The following ABTB2 variants were observed in gnomAD, a reference collection of about 807,000 sequenced individuals.
ABTB2 encodes ankyrin repeat and BTB domain containing 2.
In ABTB2, 56 loss-of-function variants were observed where a neutral mutation model predicts 104.1. The observed-to-expected ratio is 0.54, with a 90% CI of 0.43 to 0.67. The LOEUF (loss-of-function observed/expected upper bound fraction) is 0.67, where lower values mean the gene tolerates loss of function less well. Ranked by LOEUF, ABTB2 falls within the 30% of genes least tolerant of loss-of-function variation. The pLI, the probability that ABTB2 is intolerant of heterozygous loss-of-function variation, is 0.00. For missense variants in ABTB2, 1,279 were observed against 1,407.7 expected, an observed-to-expected ratio of 0.91 and a Z score of 1.46; for synonymous variants, 606 against 608.2, an observed-to-expected ratio of 1.00 and a Z score of 0.05.
chr11:34,325,262 C>T (rs1855055592), intron 1 of ABTB2, among the ~76,000 whole-genome samples: 1 of 152,156 alleles, frequency 6.6e-6, no homozygotes, highest in Non-Finnish European at 1.5e-5. Context: ...CCATCAGTGG[C>T]CACTATCAGA....
At chr11:34,289,502 A>G (rs954288580) in intron 1 of ABTB2, among the ~76,000 whole-genome samples, 14 of 152,222 alleles carry the variant, frequency 9.2e-5, no homozygotes, top group Admixed American at 6.5e-4. Flanking sequence ...AGGCTTAGAG[A>G]GGCCAAGCAA....
chr11:34,222,694 T>G (rs1853639483), intron 1 of ABTB2, among the ~76,000 whole-genome samples: 1 of 152,236 alleles, frequency 6.6e-6, no homozygotes, highest in Admixed American at 6.5e-5. Flanking sequence ...CTCTTAAGGC[T>G]GGATGTGGGG....
intron 3 of ABTB2, among the ~76,000 whole-genome samples, chr11:34,174,566 C>T (rs1277828649): frequency 6.6e-6 from 1 of 152,250 alleles, no homozygotes; most frequent in African/African-American, 2.4e-5. Context: ...CGCGCCCGCC[C>T]CTGCCCTCGG....
Position 34,191,838 on chromosome 11 carries a change from G to A in ABTB2, c.1244+5487C>T, listed in dbSNP as rs59670352. The stretch of plus-strand genomic sequence containing the variant: ...TGCTCCATCCTGCACAACAGTGCCC[G>A]TGTTCCCTTGCTCTGCTCCTCCCCA... On this transcript the variant is annotated intron_variant, in intron 3 of 16. Coordinates refer to ENST00000435224, the MANE Select transcript of ABTB2 (RefSeq NM_145804.3). Among the ~76,000 whole-genome samples the A allele has an allele frequency of 2.7e-4, 41 of 152,306 alleles. No homozygotes were observed. In the East Asian group the frequency reaches 5.4e-3, roughly 20 times the overall value.
At position 34,337,820 on chromosome 11, in the gene ABTB2, C is replaced by T. The variant is rs187611119; in HGVS notation, c.883+18881G>A. Among the ~76,000 whole-genome samples the T allele has an allele frequency of 1.8e-3, 269 of 152,238 alleles. 3 individuals carry two copies. The highest frequency in any genetic ancestry group is 0.01 in the Middle Eastern group (3 of 294). On this transcript the variant is annotated intron_variant, in intron 1 of 16. Transcript: ENST00000435224. ...ATCACATTTGGTTGGAAAAATTAAA[C>T]GAGATAGCATCCAATAAACATTGGT... is the stretch of plus-strand genomic sequence containing the variant.
intron 11 of ABTB2, 119 bp downstream of exon 11, chr11:34,160,784 T>C: frequency 9.2e-7 from 1 of 1,091,650 alleles, no homozygotes. Context: ...TGTGAGTGTG[T>C]GTGCGTTGGG....
chr11:34,265,661 G>GAAAAAA (rs1233763258), intron 1 of ABTB2, among the ~76,000 whole-genome samples: 1 of 25,654 alleles, frequency 3.9e-5, no homozygotes, highest in African/African-American at 1.4e-4. Context: ...TCTGTCTCAA[G>GAAAAAA]AAAAAAAAAA....
chr11:34,240,943 T>C (rs1234174085), intron 1 of ABTB2, among the ~76,000 whole-genome samples: 1 of 152,190 alleles, frequency 6.6e-6, no homozygotes, highest in Admixed American at 6.5e-5. Context: ...TTTTTCTCTT[T>C]TGCCAAATTA....
chr11:34,215,182 T>A (rs1159475266), intron 1 of ABTB2, among the ~76,000 whole-genome samples: 1 of 152,190 alleles, frequency 6.6e-6, no homozygotes, highest in African/African-American at 2.4e-5. Flanking sequence ...CTGCCATTGC[T>A]GGGCAGGGGG....
Position 34,356,920 on chromosome 11 carries a change from G to C in ABTB2, c.664C>G (p.Arg222Gly). The C allele has an allele frequency of 6.2e-7, 1 of 1,602,406 alleles. No homozygotes were observed. The highest frequency in any genetic ancestry group is 8.5e-7 in the Non-Finnish European group (1 of 1,174,642). ...RWMVDTRISVRIHEYAAISLT... is the reference protein window; with the variant it reads ...RWMVDTRISVGIHEYAAISLT... ...GAGATGGCTGCGTACTCGTGGATGCGCACGGAGATTCGGGTGTCCACCATC... is the reference window on the plus strand; with the variant it reads ...GAGATGGCTGCGTACTCGTGGATGCCCACGGAGATTCGGGTGTCCACCATC... Residue 222 changes from arginine (R) to glycine (G), a missense_variant, in exon 1 of 17, where the codon CGC (arginine) becomes GGC (glycine). Physicochemically the swap from Arg to Gly is moderately radical, Grantham distance 125. Transcript: ENST00000435224. The surrounding 1 kb of genome is among the most constrained non-coding windows in gnomAD (Gnocchi z 4.6).
At position 34,167,251 on chromosome 11, in the gene ABTB2, G is replaced by A; in HGVS notation, c.1755+8C>T. The A allele has an allele frequency of 6.2e-7, 1 of 1,603,796 alleles. No individual in the cohort carries two copies. Among genetic ancestry groups the A allele is most frequent in the Non-Finnish European group, 8.5e-7 (1 of 1,174,926 alleles). On this transcript the variant is annotated splice_region_variant and intron_variant, in intron 7 of 16. Transcript: ENST00000435224. The stretch of plus-strand genomic sequence containing the variant: ...GGGGGGCATGGTGTTCACCTGGCAG[G>A]AGCTCACCTGGACCACAGAGATGTG...
Position 34,357,634 on chromosome 11 carries a change from A to G in ABTB2, c.-51T>C, listed in dbSNP as rs949584826. On this transcript the variant is annotated 5_prime_UTR_variant, in exon 1 of 17. An upstream start codon of the reference 5' UTR is lost. Transcript: ENST00000435224. ...CCGAGCGAGGGGCACTCACAACTCCATGCCCTCTTTCCCAAGTGGGCAGAA... is the reference window on the plus strand; with the variant it reads ...CCGAGCGAGGGGCACTCACAACTCCGTGCCCTCTTTCCCAAGTGGGCAGAA... 1.4e-6 allele frequency: 2 copies of G among 1,449,556 alleles called. No homozygotes were observed. The highest frequency in any genetic ancestry group is 4.8e-5 in the Admixed American group (2 of 42,088). 89.8% of individuals were successfully genotyped at this position (1,449,556 alleles called of 1,614,324 possible).
At position 34,159,369 on chromosome 11, in the gene ABTB2, G is replaced by T. The variant is rs1393827040; in HGVS notation, c.2624C>A (p.Thr875Asn). Residue 875 changes from threonine to asparagine, a missense_variant, in exon 14 of 17, where the codon ACC becomes AAC. By Grantham distance (65) the Thr-to-Asn change is moderately conservative (BLOSUM62 0). Coordinates refer to ENST00000435224, the MANE Select transcript of ABTB2 (RefSeq NM_145804.3). The stretch of plus-strand genomic sequence containing the variant: ...GTCCCCATCCTGTTCTGATTTATTG[G>T]TCATTAGTGTCTTGAACCTGGAGCA... ...TASNRFKTLM[T>N]NKSEQDGDSS... The T allele has an allele frequency of 6.2e-7, 1 of 1,613,620 alleles. No individual in the cohort carries two copies. Among genetic ancestry groups the T allele is most frequent in the African/African-American group, 1.3e-5 (1 of 74,978 alleles).
chr11:34,190,224 A>G lies in ABTB2; in HGVS notation c.1244+7101T>C, dbSNP rs939471059. Reference sequence around the variant, plus strand: ...CACTGCACTCCAGCCTGGGTAACAGAGTGTGACTCCATCCAGCCCCTGCCC... The same window carrying G: ...CACTGCACTCCAGCCTGGGTAACAGGGTGTGACTCCATCCAGCCCCTGCCC... On this transcript the variant is annotated intron_variant, in intron 3 of 16. Transcript: ENST00000435224. 2.7e-5 allele frequency among the ~76,000 whole-genome samples: 4 copies of G among 149,910 alleles called. No individual in the cohort carries two copies. In the South Asian group the frequency reaches 8.5e-4, roughly 32 times the overall value.
At chr11:34,171,105 G>A (rs750892740) in intron 4 of ABTB2, 34 bp from the exon 5 acceptor site, 9 of 1,601,724 alleles carry the variant, frequency 5.6e-6, no homozygotes, top group Non-Finnish European at 1.7e-6. Context: ...GCGTGTGACT[G>A]TATGCAGACA....
chr11:34,167,756 A>G, intron 6 of ABTB2, 147 bp downstream of exon 6: 1 of 847,052 alleles, frequency 1.2e-6, no homozygotes, highest in Non-Finnish European at 1.9e-6. Context: ...CCTGGCTAAC[A>G]GTGGCCTCTG....
chr11:34,297,785 T>TAAAATAAA (rs1564926739), intron 1 of ABTB2, among the ~76,000 whole-genome samples: 19 of 67,638 alleles, frequency 2.8e-4, no homozygotes, highest in African/African-American at 9.1e-4. Flanking sequence ...AAAAAAAAAA[T>TAAAATAAA]AAAAATAAAG....
At chr11:34,237,835 T>C (rs114129583) in intron 1 of ABTB2, among the ~76,000 whole-genome samples, 1,620 of 152,118 alleles carry the variant, frequency 0.011, 31 homozygotes, top group African/African-American at 0.037. Flanking sequence ...GAAGTGGAAG[T>C]TGCAGTGGGC....
intron 3 of ABTB2, among the ~76,000 whole-genome samples, chr11:34,195,088 T>TGG (rs1565137708): frequency 1.2e-4 from 4 of 33,252 alleles, no homozygotes; most frequent in Middle Eastern, 0.019. Context: ...GGGGGGGGAG[T>TGG]GGGGGCGGGA....
Sources: gnomAD v4.1 joint callset for allele counts (sites outside exome capture counted in the v4.1 genomes callset) on GRCh38, gnomAD v4.1.1 for gene constraint, Gnocchi (gnomAD v3.1) non-coding constraint, MANE v1.5 for transcripts, NCBI Gene and HGNC (gene_info 2026-07-23, HGNC 2026-07-21) for gene names.